DTNB: variants seen among roughly 807,000 people sequenced by gnomAD.
DTNB encodes dystrobrevin beta.
Under a neutral mutation model 90.7 loss-of-function variants are expected in DTNB, and 63 were observed. The ratio of observed to expected loss-of-function variants is 0.69; its 90% CI spans 0.57 to 0.86. DTNB has a LOEUF of 0.86. Among genes scored for constraint, DTNB ranks in the 40% least tolerant of loss-of-function variants. The pLI, the probability that DTNB is intolerant of heterozygous loss-of-function variation, is 0.00. For missense variants in DTNB, 744 were observed against 807.1 expected, an observed-to-expected ratio of 0.92 and a Z score of 0.95; for synonymous variants, 277 against 286.7, an observed-to-expected ratio of 0.97 and a Z score of 0.34.
chr2:25,586,225 G>A (rs527745414), intron 6 of DTNB, among the ~76,000 whole-genome samples: 62 of 152,014 alleles, frequency 4.1e-4, no homozygotes, highest in African/African-American at 1.4e-3. Context: ...CATTAAGCAC[G>A]GGCGGCCAGG....
At chr2:25,630,978 T>C (rs1027670329) in intron 3 of DTNB, among the ~76,000 whole-genome samples, 2 of 152,032 alleles carry the variant, frequency 1.3e-5, no homozygotes, top group Non-Finnish European at 2.9e-5. Context: ...TCTAAGGTTC[T>C]ATATATATGA....
At chr2:25,455,803 G>A (rs768396098) in intron 10 of DTNB, among the ~76,000 whole-genome samples, 26 of 152,180 alleles carry the variant, frequency 1.7e-4, no homozygotes, top group Non-Finnish European at 2.4e-4. Flanking sequence ...CGGGTGCTGC[G>A]CTCTGTGATG....
intron 16 of DTNB, among the ~76,000 whole-genome samples, chr2:25,410,189 A>G (rs2046246925): frequency 6.6e-6 from 1 of 152,112 alleles, no homozygotes; most frequent in African/African-American, 2.4e-5. Flanking sequence ...CTGAGGAGAT[A>G]ATGTTTTTGG....
chr2:25,526,926 T>A lies in DTNB; in HGVS notation c.1001+4547A>T, dbSNP rs142636101. On this transcript the variant is annotated intron_variant, in intron 9 of 20. Transcript: ENST00000406818. Reference sequence around the variant, plus strand: ...TGTTAATAACAAATGTCTTAACCAATTTTAAAAAACTGAAAAATACAGACC... The same window carrying A: ...TGTTAATAACAAATGTCTTAACCAAATTTAAAAAACTGAAAAATACAGACC... 4.3e-3 allele frequency among the ~76,000 whole-genome samples: 652 copies of A among 152,258 alleles called. 4 individuals are homozygous for A. Among genetic ancestry groups the A allele is most frequent in the African/African-American group, 0.015 (611 of 41,534 alleles).
intron 9 of DTNB, among the ~76,000 whole-genome samples, chr2:25,484,978 A>G (rs1278871892): frequency 3.3e-5 from 5 of 152,186 alleles, no homozygotes; most frequent in Non-Finnish European, 5.9e-5. Flanking sequence ...TAGTTCTCTT[A>G]TATCAATTGT....
intron 1 of DTNB, chr2:25,672,890 A>T (rs2086387296): frequency 1.3e-5 from 2 of 151,680 alleles, no homozygotes; most frequent in Admixed American, 6.6e-5. Flanking sequence ...GTCCAGGGTG[A>T]CCTCCTGGAC....
intron 4 of DTNB, among the ~76,000 whole-genome samples, chr2:25,617,878 A>G (rs989110727): frequency 2.6e-5 from 4 of 152,152 alleles, no homozygotes; most frequent in Non-Finnish European, 5.9e-5. Context: ...ACCCTGTCTC[A>G]ATAAAAAATT....
intron 9 of DTNB, among the ~76,000 whole-genome samples, chr2:25,514,646 A>G (rs1482313420): frequency 1.3e-5 from 2 of 151,660 alleles, no homozygotes; most frequent in Non-Finnish European, 2.9e-5. Flanking sequence ...TTTGTATTGT[A>G]AGTTCACATA....
intron 18 of DTNB, chr2:25,386,070 T>C: frequency 1.0e-6 from 1 of 985,492 alleles, no homozygotes; most frequent in Non-Finnish European, 1.2e-6. Context: ...TGTTTATGTG[T>C]ACAGAGCGGG....
chr2:25,642,386 A>T (rs1054171408), intron 2 of DTNB, among the ~76,000 whole-genome samples: 9 of 151,890 alleles, frequency 5.9e-5, no homozygotes, highest in Non-Finnish European at 8.8e-5. Flanking sequence ...CAACTTCCTG[A>T]AACAAAATCT....
chr2:25,506,899 T>A (rs1404813573), intron 9 of DTNB, among the ~76,000 whole-genome samples: 1 of 152,062 alleles, frequency 6.6e-6, no homozygotes, highest in Non-Finnish European at 1.5e-5. Flanking sequence ...CAGAATATCA[T>A]CTCTCACCAA....
chr2:25,514,839 C>T (rs2074742956), intron 9 of DTNB, among the ~76,000 whole-genome samples: 1 of 151,714 alleles, frequency 6.6e-6, no homozygotes, highest in East Asian at 1.9e-4. Flanking sequence ...CCCACCTCCA[C>T]GCCTGGCTAA....
At chr2:25,670,127 G>A (rs969195923) in intron 1 of DTNB, among the ~76,000 whole-genome samples, 1 of 152,182 alleles carries the variant, frequency 6.6e-6, no homozygotes, top group Non-Finnish European at 1.5e-5. Flanking sequence ...TAGTTAAGAA[G>A]ACTCAGGTTG....
At chr2:25,449,287 T>G (rs927515091) in intron 12 of DTNB, among the ~76,000 whole-genome samples, 10 of 152,268 alleles carry the variant, frequency 6.6e-5, no homozygotes, top group Non-Finnish European at 1.5e-4. Flanking sequence ...TGAACTGCTA[T>G]GAACATTCTT....
At chr2:25,555,782 G>A (rs1165191477) in intron 8 of DTNB, among the ~76,000 whole-genome samples, 2 of 152,114 alleles carry the variant, frequency 1.3e-5, no homozygotes, top group Non-Finnish European at 2.9e-5. Flanking sequence ...TTGGGAGGCT[G>A]AGGCAGGTGG....
intron 10 of DTNB, among the ~76,000 whole-genome samples, chr2:25,457,805 A>G (rs1246080311): frequency 6.6e-6 from 1 of 152,174 alleles, no homozygotes; most frequent in East Asian, 1.9e-4. Flanking sequence ...CAAAGCTTAG[A>G]AAGCGTAGCA....
At chr2:25,392,562 GCTA>G (rs1214265128) in intron 16 of DTNB, among the ~76,000 whole-genome samples, 1 of 152,070 alleles carries the variant, frequency 6.6e-6, no homozygotes, top group East Asian at 1.9e-4. Context: ...CGAAACGAGA[GCTA>G]CTACTACTGA....
At chr2:25,582,880 T>C (rs2061759251) in intron 6 of DTNB, among the ~76,000 whole-genome samples, 1 of 152,080 alleles carries the variant, frequency 6.6e-6, no homozygotes, top group Middle Eastern at 3.2e-3. Flanking sequence ...CACCTAATAT[T>C]TGAATGCAGG....
At chr2:25,652,797 T>C (rs1000103184) in intron 1 of DTNB, 136 bp from the exon 2 acceptor site, 10 of 713,488 alleles carry the variant, frequency 1.4e-5, no homozygotes, top group Non-Finnish European at 1.9e-5. Context: ...AAAAATAAAC[T>C]GGAAGCCTGA....
Sources: allele counts gnomAD v4.1 joint callset (sites outside exome capture counted in the v4.1 genomes callset), GRCh38; gene constraint gnomAD v4.1.1; transcripts MANE v1.5; gene names NCBI Gene and HGNC (gene_info 2026-07-23, HGNC 2026-07-21).